PGCKA1: variants seen among roughly 807,000 people sequenced by gnomAD.
PGCKA1 encodes the protein PDCD10 and GCKIII kinases-associated protein 1.
the PGCKA1 span, among the ~76,000 whole-genome samples, chr4:37,552,401 T>A: frequency 6.6e-6 from 1 of 152,196 alleles, no homozygotes; most frequent in South Asian, 2.1e-4. Context: ...TGCTCCCAGC[T>A]GAATAAAACC....
At chr4:37,494,086 T>C in the PGCKA1 span, among the ~76,000 whole-genome samples, 7 of 152,180 alleles carry the variant, frequency 4.6e-5, no homozygotes, top group Non-Finnish European at 8.8e-5. Flanking sequence ...TTGGGGTATA[T>C]AACTAGCAGT....
the PGCKA1 span, among the ~76,000 whole-genome samples, chr4:37,511,516 T>C: frequency 3.3e-5 from 5 of 152,158 alleles, no homozygotes; most frequent in African/African-American, 9.7e-5. Flanking sequence ...GGTCCCGGAA[T>C]GGGAGCCTCA....
At chr4:37,562,286 T>C in the PGCKA1 span, among the ~76,000 whole-genome samples, 1 of 152,242 alleles carries the variant, frequency 6.6e-6, no homozygotes, top group Non-Finnish European at 1.5e-5. Context: ...CAAGTGTATA[T>C]GTAAAGCATA....
chr4:37,541,114 C>T, the PGCKA1 span, among the ~76,000 whole-genome samples: 11 of 152,098 alleles, frequency 7.2e-5, no homozygotes, highest in African/African-American at 2.4e-4. Context: ...AGCATGTTCC[C>T]ACCAGTTATT....
the PGCKA1 span, among the ~76,000 whole-genome samples, chr4:37,492,467 T>C: frequency 6.6e-6 from 1 of 152,190 alleles, no homozygotes. This position sits in a 1 kb window ranked among gnomAD's most constrained non-coding sequence, Gnocchi z 4.7. Flanking sequence ...GTCAGTGTCT[T>C]CAGGTACTTC....
At chr4:37,455,093 A>G in the PGCKA1 span, among the ~76,000 whole-genome samples, 30 of 152,220 alleles carry the variant, frequency 2.0e-4, no homozygotes, top group Non-Finnish European at 3.4e-4. Context: ...GAGGAATAAT[A>G]TCTGGAGAAA....
chr4:37,462,498 A>G, the PGCKA1 span, among the ~76,000 whole-genome samples: 1 of 152,192 alleles, frequency 6.6e-6, no homozygotes, highest in African/African-American at 2.4e-5. Flanking sequence ...ACGATGCTTC[A>G]AAGTTTATAT....
chr4:37,488,591 C>T, the PGCKA1 span, among the ~76,000 whole-genome samples: 1 of 152,156 alleles, frequency 6.6e-6, no homozygotes, highest in South Asian at 2.1e-4. Context: ...TTCTTGCATT[C>T]TACTGTCTGA....
At chr4:37,558,201 C>G in the PGCKA1 span, 1 of 152,214 alleles carries the variant, frequency 6.6e-6, no homozygotes, top group East Asian at 1.9e-4. Context: ...CCAGTAGACA[C>G]AGAAGTCCCC....
chr4:37,472,998 ATGACT>A, the PGCKA1 span, among the ~76,000 whole-genome samples: 1 of 152,216 alleles, frequency 6.6e-6, no homozygotes, highest in Admixed American at 6.5e-5. Flanking sequence ...AGAATCAAAG[ATGACT>A]TGAGAATTAG....
At chr4:37,521,590 G>A in the PGCKA1 span, among the ~76,000 whole-genome samples, 3 of 152,070 alleles carry the variant, frequency 2.0e-5, no homozygotes, top group Non-Finnish European at 4.4e-5. Flanking sequence ...TTTAAGACTC[G>A]TTTCATGACC....
the PGCKA1 span, among the ~76,000 whole-genome samples, chr4:37,564,807 C>T: frequency 4.6e-5 from 7 of 152,100 alleles, no homozygotes; most frequent in South Asian, 2.1e-4. Context: ...GTGCCCAGCC[C>T]GGTGTCTGAC....
chr4:37,568,026 C>G, the PGCKA1 span, among the ~76,000 whole-genome samples: 1 of 152,188 alleles, frequency 6.6e-6, no homozygotes, highest in Non-Finnish European at 1.5e-5. Flanking sequence ...GAATGTGTTT[C>G]CACATTCAAC....
At chr4:37,479,021 T>G in the PGCKA1 span, among the ~76,000 whole-genome samples, 1 of 152,224 alleles carries the variant, frequency 6.6e-6, no homozygotes, top group South Asian at 2.1e-4. Context: ...TATGGCTTTC[T>G]CAAGTTAAAA....
the PGCKA1 span, among the ~76,000 whole-genome samples, chr4:37,453,787 C>A: frequency 6.6e-6 from 1 of 152,092 alleles, no homozygotes; most frequent in Non-Finnish European, 1.5e-5. Flanking sequence ...CATCGTACTC[C>A]AGGGTTTCGA....
At chr4:37,489,048 C>A in the PGCKA1 span, among the ~76,000 whole-genome samples, 4 of 152,100 alleles carry the variant, frequency 2.6e-5, no homozygotes, top group Non-Finnish European at 5.9e-5. Context: ...ATTGAGTATG[C>A]ATGGATTTTG....
chr4:37,539,474 T>A, the PGCKA1 span, among the ~76,000 whole-genome samples: 3 of 152,140 alleles, frequency 2.0e-5, no homozygotes, highest in African/African-American at 7.2e-5. Flanking sequence ...CTGGCCAACA[T>A]GGCAAAACCC....
At chr4:37,557,433 C>A in the PGCKA1 span, among the ~76,000 whole-genome samples, 1 of 152,202 alleles carries the variant, frequency 6.6e-6, no homozygotes, top group Non-Finnish European at 1.5e-5. Flanking sequence ...ACAGAAATTT[C>A]TCAGAGTTGT....
At chr4:37,524,209 T>C in the PGCKA1 span, among the ~76,000 whole-genome samples, 1 of 152,270 alleles carries the variant, frequency 6.6e-6, no homozygotes, top group Non-Finnish European at 1.5e-5. Context: ...CTGTATAATC[T>C]GTATAAGTTA....
Sources: allele counts gnomAD v4.1 joint callset (sites outside exome capture counted in the v4.1 genomes callset), GRCh38; gene constraint gnomAD v4.1.1; non-coding constraint Gnocchi (gnomAD v3.1); transcripts MANE v1.5; gene names NCBI Gene and HGNC (gene_info 2026-07-23, HGNC 2026-07-21).